SRPRA: variants seen among roughly 807,000 people sequenced by gnomAD.
SRPRA encodes the protein signal recognition particle receptor subunit alpha.
A neutral mutation model predicts 61.1 loss-of-function variants in SRPRA; 30 were observed. The observed-to-expected ratio is 0.49, with a 90% CI of 0.37 to 0.67. SRPRA has a LOEUF of 0.67. Among genes scored for constraint, SRPRA ranks in the 30% least tolerant of loss-of-function variants. The pLI is 0.00. For missense variants in SRPRA, 759 were observed against 828.4 expected (o/e 0.92, Z 1.03); for synonymous variants, 324 against 299.7 (o/e 1.08, Z -0.84).
At chr11:126,258,669 C>T (rs1017672167), downstream of SRPRA, among the ~76,000 whole-genome samples, 3 of 152,196 alleles carry the variant, frequency 2.0e-5, no homozygotes, top group Non-Finnish European at 1.5e-5. Context: ...TGTTTGCCCA[C>T]ACTTGAGACT....
At position 126,264,194 on chromosome 11, in the gene SRPRA, G is replaced by C; in HGVS notation, c.1785C>G (p.Asp595Glu). ...CAGCCTCCAGTCTCACGTTTACCTT[G>C]TCATCAATGGTATCAAATTTGGTAA... Reference protein sequence around the residue: ...IVLTKFDTIDDKVGAAISMTY... With the variant: ...IVLTKFDTIDEKVGAAISMTY... Residue 595 changes from aspartate (D) to glutamate (E), a missense_variant, in exon 13 of 14, where the codon GAC (aspartate) becomes GAG (glutamate). Physicochemically the swap from Asp to Glu is conservative, Grantham distance 45. This residue lies in a region of SRPRA where 284 missense variants were observed against 365.9 expected (regional missense o/e 0.78). Transcript: ENST00000332118. This position sits in a 1 kb window ranked among gnomAD's most constrained non-coding sequence, Gnocchi z 5.0. 1 of 1,613,988 alleles carries C rather than the reference G, an allele frequency of 6.2e-7. No individual in the cohort carries two copies. The highest frequency in any genetic ancestry group is 8.5e-7 in the Non-Finnish European group (1 of 1,179,948).
At chr11:126,268,144 C>T (rs1195061901) in intron 1 of SRPRA, 58 bp from the exon 2 acceptor site, 6 of 1,518,380 alleles carry the variant, frequency 4.0e-6, no homozygotes, top group Non-Finnish European at 4.6e-6. Flanking sequence ...AGGTTTGGGC[C>T]CTGGGTTTGG....
chr11:126,262,221 C>A, downstream of SRPRA: 2 of 1,421,710 alleles, frequency 1.4e-6, no homozygotes, highest in Non-Finnish European at 2.0e-6. Flanking sequence ...AAGAACCCAA[C>A]ACAATTCCCA....
chr11:126,260,574 A>G (rs1370708345), downstream of SRPRA: 1 of 152,070 alleles, frequency 6.6e-6, no homozygotes, highest in Non-Finnish European at 1.5e-5. Context: ...TTTGTAAGTC[A>G]TGTTGTGAAA....
At chr11:126,259,154 A>G (rs1950629645), downstream of SRPRA, among the ~76,000 whole-genome samples, 2 of 152,222 alleles carry the variant, frequency 1.3e-5, no homozygotes, top group African/African-American at 2.4e-5. Flanking sequence ...AAACGAGTCA[A>G]CCTTATCTTT....
At chr11:126,237,589 C>T in the SRPRA span, among the ~76,000 whole-genome samples, 1 of 141,382 alleles carries the variant, frequency 7.1e-6, no homozygotes, top group Non-Finnish European at 1.5e-5. Context: ...GTCATCCCAG[C>T]ACTTTGGGAG....
At chr11:126,244,393 C>T in the SRPRA span, among the ~76,000 whole-genome samples, 2 of 152,084 alleles carry the variant, frequency 1.3e-5, no homozygotes, top group Non-Finnish European at 2.9e-5. This position sits in a 1 kb window ranked among gnomAD's most constrained non-coding sequence, Gnocchi z 4.5. Context: ...AATCCGGGAT[C>T]AATATATAAA....
Position 126,264,314 on chromosome 11 carries a change from G to A in SRPRA, c.1690-25C>T. The A allele has an allele frequency of 1.2e-6, 2 of 1,613,594 alleles. No individual in the cohort carries two copies. The highest frequency in any genetic ancestry group is 1.7e-6 in the Non-Finnish European group (2 of 1,179,620). Reference sequence around the variant, plus strand: ...CCTGGAAAGAAAAAGTGATAGAAGTGTAAGAACCATCTAAATTGACCAAAG... The same window carrying A: ...CCTGGAAAGAAAAAGTGATAGAAGTATAAGAACCATCTAAATTGACCAAAG... On this transcript the variant is annotated intron_variant, in intron 12 of 13. Transcript: ENST00000332118. The surrounding 1 kb of genome is among the most constrained non-coding windows in gnomAD (Gnocchi z 5.0).
chr11:126,245,996 CAAA>C, the SRPRA span, among the ~76,000 whole-genome samples: 3 of 82,216 alleles, frequency 3.6e-5, no homozygotes, highest in Non-Finnish European at 2.5e-5. Context: ...GACTCCGTCC[CAAA>C]AAAAAAAAAA....
rs146680393 is a variant in SRPRA, at chr11:126,264,565, G to A, written c.1526-26C>T. 69 of 1,610,240 alleles carry A rather than the reference G, an allele frequency of 4.3e-5. No homozygotes were observed. In the East Asian group the frequency reaches 1.3e-3, roughly 31 times the overall value. ...CTAGAGAAAGAAAGTAGTCAACTCTGAACACCTGGACTACCACTCATGCTC... is the reference window on the plus strand; with the variant it reads ...CTAGAGAAAGAAAGTAGTCAACTCTAAACACCTGGACTACCACTCATGCTC... On this transcript the variant is annotated intron_variant, in intron 11 of 13. Coordinates refer to ENST00000332118, the MANE Select transcript of SRPRA (RefSeq NM_003139.4). The surrounding 1 kb of genome is among the most constrained non-coding windows in gnomAD (Gnocchi z 5.0).
Position 126,263,368 on chromosome 11 carries a change from A to G in SRPRA, c.*548T>C, listed in dbSNP as rs1950741770. On this transcript the variant is annotated 3_prime_UTR_variant, in exon 14 of 14. Coordinates refer to ENST00000332118, the MANE Select transcript of SRPRA (RefSeq NM_003139.4). ...TCCAGCCTAGCTGATGCTTTGGGGT[A>G]AACAATGGAGTAGGAGTCATCATCA... is the stretch of plus-strand genomic sequence containing the variant. The G allele has an allele frequency of 6.5e-6, 1 of 152,850 alleles. No individual in the cohort carries two copies. Among genetic ancestry groups the G allele is most frequent in the South Asian group, 2.1e-4 (1 of 4,842 alleles). The allele number at this position is 152,850 out of a possible 1,614,324, so 9.5% of individuals were successfully genotyped here.
Position 126,267,026 on chromosome 11 carries a change from T to C in SRPRA, c.527-104A>G, listed in dbSNP as rs1001617937. On this transcript the variant is annotated intron_variant, in intron 4 of 13. Transcript: ENST00000332118. This position sits in a 1 kb window ranked among gnomAD's most constrained non-coding sequence, Gnocchi z 4.2. ...GTTCAAAGGAAATTTGGACCAAACA[T>C]CTTGGAGTTCATAAGGCCTGGGGAT... is the stretch of plus-strand genomic sequence containing the variant. 2.0e-6 allele frequency: 3 copies of C among 1,531,042 alleles called. No homozygotes were observed. Among genetic ancestry groups the C allele is most frequent in the African/African-American group, 1.4e-5 (1 of 72,220 alleles). The allele number at this position is 1,531,042 out of a possible 1,614,324, so 94.8% of individuals were successfully genotyped here.
the SRPRA span, among the ~76,000 whole-genome samples, chr11:126,243,351 C>T: frequency 2.6e-5 from 4 of 151,560 alleles, no homozygotes; most frequent in East Asian, 2.0e-4. Context: ...GTAAGCCCAA[C>T]GCTTTGGAAG....
chr11:126,249,396 T>C, the SRPRA span, among the ~76,000 whole-genome samples: 2 of 152,178 alleles, frequency 1.3e-5, no homozygotes, highest in Non-Finnish European at 2.9e-5. Context: ...AAGCAGTTTT[T>C]CCTAAATTCA....
At chr11:126,240,799 C>T in the SRPRA span, 2 of 1,603,118 alleles carry the variant, frequency 1.2e-6, no homozygotes, top group Admixed American at 1.7e-5. Flanking sequence ...TAGGAAGCTG[C>T]TTCCAAGCTT....
In SRPRA at chr11:126,265,608, A is replaced by G. The variant is rs1950793484; in HGVS notation, c.1138+129T>C. ...GACTAACTCACTGAATCCTCTCAATAACCCTTAAAATCTAGGTTACAGAGG... is the reference window on the plus strand; with the variant it reads ...GACTAACTCACTGAATCCTCTCAATGACCCTTAAAATCTAGGTTACAGAGG... On this transcript the variant is annotated intron_variant, in intron 9 of 13. Coordinates refer to ENST00000332118, the MANE Select transcript of SRPRA (RefSeq NM_003139.4). This position sits in a 1 kb window ranked among gnomAD's most constrained non-coding sequence, Gnocchi z 6.3. The G allele has an allele frequency of 8.0e-7, 1 of 1,249,382 alleles. No homozygotes were observed. Among genetic ancestry groups the G allele is most frequent in the Admixed American group, 2.0e-5 (1 of 49,626 alleles). 77.4% of individuals were successfully genotyped at this position (1,249,382 alleles called of 1,614,324 possible). A position where few individuals can be genotyped will look rare whatever the true frequency, so the allele number is the denominator to read the frequency against.
In SRPRA at chr11:126,267,976, A is replaced by G. The variant is rs1438160742; in HGVS notation, c.201+27T>C. 5 of 1,608,468 alleles carry G rather than the reference A, an allele frequency of 3.1e-6. No homozygotes were observed. The highest frequency in any genetic ancestry group is 1.1e-5 in the South Asian group (1 of 90,952). ...AAATCAGGGCTATGTTAACAATGCA[A>G]TCGTCCCTCTACAACACCCCACTTA... On this transcript the variant is annotated intron_variant, in intron 2 of 13. Coordinates refer to ENST00000332118, the MANE Select transcript of SRPRA (RefSeq NM_003139.4). This position sits in a 1 kb window ranked among gnomAD's most constrained non-coding sequence, Gnocchi z 4.2.
chr11:126,259,713 C>T (rs536795907), downstream of SRPRA, among the ~76,000 whole-genome samples: 6 of 151,160 alleles, frequency 4.0e-5, no homozygotes, highest in African/African-American at 7.3e-5. Context: ...GCGTGAGCCA[C>T]CATGCCCGGG....
At chr11:126,241,247 A>G in the SRPRA span, 3 of 491,282 alleles carry the variant, frequency 6.1e-6, no homozygotes, top group Non-Finnish European at 1.1e-5. Context: ...ACCCCATTTC[A>G]CTGTGTGTCT....
Sources: allele counts gnomAD v4.1 joint callset (sites outside exome capture counted in the v4.1 genomes callset), GRCh38; gene constraint gnomAD v4.1.1; regional missense constraint gnomAD v4.1.1; non-coding constraint Gnocchi (gnomAD v3.1); transcripts MANE v1.5; gene names NCBI Gene and HGNC (gene_info 2026-07-23, HGNC 2026-07-21).